Variants in TNFAIP8 observed in about 807,000 individuals in gnomAD.
The protein encoded by TNFAIP8 is tumor necrosis factor alpha-induced protein 8.
A neutral mutation model predicts 13.3 loss-of-function variants in TNFAIP8; 7 were observed. That is an observed-to-expected ratio of 0.52 (90% CI 0.30 to 0.99). TNFAIP8 has a LOEUF of 0.99. Ranked by LOEUF, TNFAIP8 falls within the 50% of genes least tolerant of loss-of-function variation. The pLI is 0.07. For missense variants in TNFAIP8, 258 were observed against 236.9 expected (o/e 1.09, Z -0.58); for synonymous variants, 94 against 87.6 (o/e 1.07, Z -0.41).
chr5:119,373,196 C>G (rs1752152986), intron 1 of TNFAIP8, among the ~76,000 whole-genome samples: 1 of 152,074 alleles, frequency 6.6e-6, no homozygotes, highest in African/African-American at 2.4e-5. Flanking sequence ...CACTGACTTT[C>G]CTATAAGATA....
chr5:119,372,413 G>C (rs1451918938), intron 1 of TNFAIP8, among the ~76,000 whole-genome samples: 2 of 151,476 alleles, frequency 1.3e-5, no homozygotes, highest in Non-Finnish European at 2.9e-5. Flanking sequence ...TGATGTTTTA[G>C]AGTTTATTAT....
At chr5:119,276,102 C>T (rs1465586708) in intron 1 of TNFAIP8, among the ~76,000 whole-genome samples, 1 of 151,376 alleles carries the variant, frequency 6.6e-6, no homozygotes, top group Non-Finnish European at 1.5e-5. Flanking sequence ...ATCAGTCTTT[C>T]GTTAAGTTCT....
intron 1 of TNFAIP8, among the ~76,000 whole-genome samples, chr5:119,294,296 G>T (rs947622059): frequency 8.9e-5 from 13 of 145,550 alleles, no homozygotes; most frequent in Non-Finnish European, 1.4e-4. Context: ...AACATGCGGT[G>T]TTTGGTTTTT....
intron 1 of TNFAIP8, among the ~76,000 whole-genome samples, chr5:119,320,895 A>AT (rs1019278680): frequency 1.3e-4 from 20 of 150,602 alleles, no homozygotes; most frequent in Admixed American, 1.3e-3. Context: ...TAAAAAAAAA[A>AT]CAAAAAACGA....
At chr5:119,322,471 C>T (rs140002899) in intron 1 of TNFAIP8, among the ~76,000 whole-genome samples, 1 of 152,330 alleles carries the variant, frequency 6.6e-6, no homozygotes, top group African/African-American at 2.4e-5. Flanking sequence ...TGGCCCCCTG[C>T]TGTTTACCAA....
chr5:119,325,540 C>T (rs1015883457), intron 1 of TNFAIP8, among the ~76,000 whole-genome samples: 3 of 152,214 alleles, frequency 2.0e-5, no homozygotes, highest in Non-Finnish European at 2.9e-5. Flanking sequence ...CTCTGCCTCC[C>T]GGGCTCACGC....
intron 1 of TNFAIP8, among the ~76,000 whole-genome samples, chr5:119,282,575 G>T (rs66540474): frequency 0.069 from 10,573 of 152,256 alleles, 892 homozygotes; most frequent in African/African-American, 0.2. Flanking sequence ...AACTCCTGGC[G>T]CACAGAGTGT....
chr5:119,376,706 C>A (rs532707948), intron 1 of TNFAIP8, among the ~76,000 whole-genome samples: 1 of 151,908 alleles, frequency 6.6e-6, no homozygotes, highest in African/African-American at 2.4e-5. Context: ...TCAGGGAGTA[C>A]GGAAACAAAA....
intron 1 of TNFAIP8, chr5:119,391,286 T>C (rs1250476465): frequency 1.5e-6 from 1 of 675,966 alleles, no homozygotes; most frequent in Non-Finnish European, 2.7e-6. Flanking sequence ...TAATCATTGA[T>C]GCCTTGACTC....
At chr5:119,315,101 G>A (rs1036864391) in intron 1 of TNFAIP8, among the ~76,000 whole-genome samples, 2 of 151,784 alleles carry the variant, frequency 1.3e-5, no homozygotes, top group South Asian at 4.2e-4. Context: ...TTTGTTTTTC[G>A]AGATGGAGTC....
chr5:119,287,252 A>G (rs1453357753), intron 1 of TNFAIP8, among the ~76,000 whole-genome samples: 3 of 143,426 alleles, frequency 2.1e-5, no homozygotes, highest in Admixed American at 7.0e-5. Flanking sequence ...GTGCCTTACT[A>G]GGATAGCTTC....
intron 1 of TNFAIP8, among the ~76,000 whole-genome samples, chr5:119,383,623 GA>G (rs1752567419): frequency 1.3e-5 from 2 of 152,256 alleles, no homozygotes. Context: ...AAGCCTCCAA[GA>G]CTTCTTTGCA....
chr5:119,268,875 C>A, exon 1 of TNFAIP8: 1 of 703,026 alleles, frequency 1.4e-6, no homozygotes. Context: ...GCTCGCGCTT[C>A]AGCGTCCCGG....
At chr5:119,369,845 A>G (rs1752008576) in intron 1 of TNFAIP8, among the ~76,000 whole-genome samples, 1 of 152,166 alleles carries the variant, frequency 6.6e-6, no homozygotes, top group Non-Finnish European at 1.5e-5. Context: ...GTTTTGGATC[A>G]CTGTTCTCAC....
intron 1 of TNFAIP8, among the ~76,000 whole-genome samples, chr5:119,347,947 G>A (rs149270618): frequency 1.3e-5 from 2 of 152,334 alleles, no homozygotes; most frequent in East Asian, 3.9e-4. Context: ...CTTTCAAATA[G>A]ATCTCAGACC....
chr5:119,370,002 C>T (rs1203949605), intron 1 of TNFAIP8, among the ~76,000 whole-genome samples: 2 of 152,180 alleles, frequency 1.3e-5, no homozygotes, highest in Admixed American at 6.5e-5. Flanking sequence ...TCCAATCACA[C>T]TTTATTGTCT....
intron 1 of TNFAIP8, among the ~76,000 whole-genome samples, chr5:119,292,671 TATATATATATATATACAC>T (rs1561985953): frequency 5.3e-5 from 2 of 37,730 alleles, no homozygotes; most frequent in African/African-American, 1.5e-4. Context: ...TATATATATA[TATATATATATATATACAC>T]ACACACACAA....
chr5:119,332,611 C>T (rs1448560389), intron 1 of TNFAIP8, among the ~76,000 whole-genome samples: 1 of 152,024 alleles, frequency 6.6e-6, no homozygotes, highest in Non-Finnish European at 1.5e-5. Context: ...AAAAGTGTTA[C>T]CAAGAAAGGT....
intron 1 of TNFAIP8, among the ~76,000 whole-genome samples, chr5:119,339,681 T>C (rs1241701339): frequency 6.6e-6 from 1 of 152,128 alleles, no homozygotes; most frequent in Non-Finnish European, 1.5e-5. Flanking sequence ...CTAGAAGGTT[T>C]GGTAAGTTGA....
Sources: allele counts gnomAD v4.1 joint callset (sites outside exome capture counted in the v4.1 genomes callset), GRCh38; gene constraint gnomAD v4.1.1; transcripts MANE v1.5; gene names NCBI Gene and HGNC (gene_info 2026-07-23, HGNC 2026-07-21).